Variants in NPVF observed in about 807,000 individuals in gnomAD.
The protein encoded by NPVF is neuropeptide VF precursor, also known as pro-FMRFamide-related neuropeptide VF.
NPVF carries 17 observed loss-of-function variants against 15.7 expected under a neutral mutation model. The observed-to-expected ratio is 1.08, with a 90% CI of 0.74 to 1.62. The LOEUF (loss-of-function observed/expected upper bound fraction) is 1.62, where lower values mean the gene tolerates loss of function less well. Ranked by LOEUF, NPVF falls within the 40% of genes most tolerant of loss-of-function variation. The pLI, the probability that NPVF is intolerant of heterozygous loss-of-function variation, is 0.00. For missense variants in NPVF, 270 were observed against 225.2 expected, an observed-to-expected ratio of 1.20 and a Z score of -1.27; for synonymous variants, 70 against 80.1, an observed-to-expected ratio of 0.87 and a Z score of 0.67.
rs970771554 is a variant in NPVF at position 25,226,890 on chromosome 7, A to C, written c.275T>G (p.Phe92Cys). Residue 92 changes from phenylalanine (F) to cysteine (C), a missense_variant, in exon 2 of 3, where the codon TTT becomes TGT. Coordinates refer to ENST00000222674, the MANE Select transcript of NPVF (RefSeq NM_022150.3). ...PHSFANLPLR[F>C]GRNVQEERSA... ...TCTTTCTTCTTGAACGTTCCTCCCA[A>C]ATCTCAATGGCAAGTTGGCGAAGGA... 2.5e-6 allele frequency: 4 copies of C among 1,613,958 alleles called. No individual in the cohort carries two copies. In the African/African-American group the frequency reaches 5.3e-5, roughly 22 times the overall value.
Position 25,224,861 on chromosome 7 carries a change from C to A in NPVF, c.*261G>T. 1 of 438,872 alleles carries A rather than the reference C, an allele frequency of 2.3e-6. No individual in the cohort carries two copies. Among genetic ancestry groups the A allele is most frequent in the Non-Finnish European group, 4.0e-6 (1 of 251,080 alleles). The allele number at this position is 438,872 out of a possible 1,614,324, so 27.2% of individuals were successfully genotyped here. A position where few individuals can be genotyped will look rare whatever the true frequency, so the allele number is the denominator to read the frequency against. ...GGGTAGTGAGGAGGGTCCTCTGTCT[C>A]TCTCTCCATTATCAGAGATTTCTAA... On this transcript the variant is annotated 3_prime_UTR_variant, in exon 3 of 3. Coordinates refer to ENST00000222674, the MANE Select transcript of NPVF (RefSeq NM_022150.3).
Position 25,228,287 on chromosome 7 carries a change from A to G in NPVF, c.138+15T>C. ...AATTAATGCTACTCACATTAGAGAG[A>G]TTTAAAAAACTTACCTCAGAATATT... On this transcript the variant is annotated intron_variant, in intron 1 of 2. Coordinates refer to ENST00000222674, the MANE Select transcript of NPVF (RefSeq NM_022150.3). The G allele has an allele frequency of 3.5e-6, 5 of 1,417,216 alleles. No individual in the cohort carries two copies. The highest frequency in any genetic ancestry group is 5.0e-6 in the Non-Finnish European group (5 of 1,006,900). 87.8% of individuals were successfully genotyped at this position (1,417,216 alleles called of 1,614,324 possible).
intron 2 of NPVF, among the ~76,000 whole-genome samples, chr7:25,226,087 G>A (rs534589678): frequency 4.6e-5 from 7 of 152,102 alleles, no homozygotes; most frequent in African/African-American, 2.4e-5. Flanking sequence ...CAGGTAGGTA[G>A]GTTATTAATT....
Position 25,228,345 on chromosome 7 carries a change from A to C in NPVF, c.95T>G (p.Met32Arg), listed in dbSNP as rs1284064491. ...ATTTTCTTTGCTGTGAAGATTGGAC[A>C]TCACTAATTCATCTGCACAAAAAAT... ...SNIFCADELV[M>R]SNLHSKENYD... The change falls in exon 1 of 3, where the codon ATG becomes AGG. Residue 32 changes from methionine to arginine, a missense_variant. Transcript: ENST00000222674. The C allele has an allele frequency of 1.3e-6, 2 of 1,537,754 alleles. No individual in the cohort carries two copies. Among genetic ancestry groups the C allele is most frequent in the Middle Eastern group, 1.7e-4 (1 of 5,848 alleles).
Position 25,228,432 on chromosome 7 carries a change from A to G in NPVF, c.8T>C (p.Ile3Thr), listed in dbSNP as rs778376426. Residue 3 changes from isoleucine (I) to threonine (T), a missense_variant, in exon 1 of 3, where the codon ATT (isoleucine) becomes ACT (threonine). Coordinates refer to ENST00000222674, the MANE Select transcript of NPVF (RefSeq NM_022150.3). ME[I>T]ISSKLFILLT... The stretch of plus-strand genomic sequence containing the variant: ...TAAAATGAATAGTTTTGATGAAATA[A>G]TTTCCATTTTGTCTAAATCTAAAAT... 1 of 1,585,804 alleles carries G rather than the reference A, an allele frequency of 6.3e-7. No homozygotes were observed.
chr7:25,226,755 G>A lies in NPVF; in HGVS notation c.410C>T (p.Ala137Val). Reference sequence around the variant, plus strand: ...ACTCAGCATCCTGCAGACACTTTTGGCTGTTGTTGTTCTCCCAAACCTTTG... The same window carrying A: ...ACTCAGCATCCTGCAGACACTTTTGACTGTTGTTGTTCTCCCAAACCTTTG... ...LPQRFGRTTT[A>V]KSVCRMLSDL... is the part of the protein sequence containing the mutation. The change falls in exon 2 of 3, where the codon GCC becomes GTC. Residue 137 changes from alanine to valine, a missense_variant. Ala to Val is a moderately conservative substitution (Grantham distance 64, BLOSUM62 0). Coordinates refer to ENST00000222674, the MANE Select transcript of NPVF (RefSeq NM_022150.3). 1 of 1,614,054 alleles carries A rather than the reference G, an allele frequency of 6.2e-7. No homozygotes were observed. Among genetic ancestry groups the A allele is most frequent in the East Asian group, 2.2e-5 (1 of 44,896 alleles).
chr7:25,225,273 T>C, intron 2 of NPVF, 100 bp from the exon 3 acceptor site: 1 of 901,958 alleles, frequency 1.1e-6, no homozygotes, highest in Non-Finnish European at 1.8e-6. Flanking sequence ...TAATTATACT[T>C]GAGTTGAATT....
chr7:25,225,224 C>G (rs1175183784), intron 2 of NPVF, 51 bp from the exon 3 acceptor site: 1 of 1,425,166 alleles, frequency 7.0e-7, no homozygotes, highest in African/African-American at 1.4e-5. Flanking sequence ...CAACAGCATG[C>G]AAGTGTGTAT....
In NPVF at chr7:25,224,949, G is replaced by A. The variant is rs569800310; in HGVS notation, c.*173C>T. On this transcript the variant is annotated 3_prime_UTR_variant, in exon 3 of 3. Transcript: ENST00000222674. The stretch of plus-strand genomic sequence containing the variant: ...CATTTTAACTTTACGTAACAAATAT[G>A]CTTTAATTTTTTTACAACTTTCAAG... 2.8e-5 allele frequency: 15 copies of A among 528,424 alleles called. No individual in the cohort carries two copies. The highest frequency in any genetic ancestry group is 2.6e-4 in the African/African-American group (13 of 50,532). The allele number at this position is 528,424 out of a possible 1,614,324, so 32.7% of individuals were successfully genotyped here.
Position 25,228,370 on chromosome 7 carries a change from T to C in NPVF, c.70A>G (p.Ile24Val), listed in dbSNP as rs2115498416. The C allele has an allele frequency of 6.4e-7, 1 of 1,561,264 alleles. No homozygotes were observed. The highest frequency in any genetic ancestry group is 1.4e-5 in the African/African-American group (1 of 73,970). Residue 24 changes from isoleucine to valine, a missense_variant, in exon 1 of 3, where the codon ATT becomes GTT. Physicochemically the swap from Ile to Val is conservative, Grantham distance 29. Coordinates refer to ENST00000222674, the MANE Select transcript of NPVF (RefSeq NM_022150.3). ...LATSSLLTSN[I>V]FCADELVMSN... is the part of the protein sequence containing the mutation. ...ATCACTAATTCATCTGCACAAAAAA[T>C]GTTTGATGTTAACAAGCTTGAAGTG... is the stretch of plus-strand genomic sequence containing the variant.
At position 25,225,053 on chromosome 7, in the gene NPVF, C is replaced by T. The variant is rs375749118; in HGVS notation, c.*69G>A. ...GATGAAGTGTATGTAGCTACTCTTC[C>T]GTGTGGTCTTCGCTATAGAGCCATT... is the stretch of plus-strand genomic sequence containing the variant. On this transcript the variant is annotated 3_prime_UTR_variant, in exon 3 of 3. Transcript: ENST00000222674. The T allele has an allele frequency of 1.2e-4, 166 of 1,341,598 alleles. No individual in the cohort carries two copies. Among genetic ancestry groups the T allele is most frequent in the Non-Finnish European group, 1.6e-4 (155 of 943,834 alleles). The allele number at this position is 1,341,598 out of a possible 1,614,324, so 83.1% of individuals were successfully genotyped here.
rs774870569 is a variant in NPVF at position 25,227,014 on chromosome 7, G to T, written c.151C>A (p.Pro51Thr). ...AAATTGAGGCTTCTTTCCCCTTTTG[G>T]GTATCCTCTAGGCTATAATTAGAAA... is the stretch of plus-strand genomic sequence containing the variant. ...YDKYSEPRGY[P>T]KGERSLNFEE... The change falls in exon 2 of 3, where the codon CCA (proline) becomes ACA (threonine). Residue 51 changes from proline to threonine, a missense_variant. Pro to Thr is a conservative substitution (Grantham distance 38, BLOSUM62 -1). Transcript: ENST00000222674. 6.2e-7 allele frequency: 1 copy of T among 1,612,112 alleles called. No individual in the cohort carries two copies. Among genetic ancestry groups the T allele is most frequent in the South Asian group, 1.1e-5 (1 of 90,802 alleles).
In NPVF at chr7:25,226,634, T is replaced by C. The variant is rs745784318; in HGVS notation, c.531A>G (p.Lys177=). 1.9e-6 allele frequency: 3 copies of C among 1,613,366 alleles called. No homozygotes were observed. Among genetic ancestry groups the C allele is most frequent in the Admixed American group, 1.7e-5 (1 of 60,018 alleles). Residue 177 remains lysine, a synonymous_variant, in exon 2 of 3, where the codon AAA becomes AAG. Transcript: ENST00000222674. Reference sequence around the variant, plus strand: ...GGTTTCCAGGTATTTACCTTGACTGTTTTTGATCGGGATTCTGGATTTCTT... The same window carrying C: ...GGTTTCCAGGTATTTACCTTGACTGCTTTTGATCGGGATTCTGGATTTCTT... The part of the protein sequence containing the change: ...QHQEIQNPDQ[K]QSRRLLFKKI...
Position 25,228,476 on chromosome 7 carries a change from C to A in NPVF, c.-37G>T, listed in dbSNP as rs1783159262. 6.7e-7 allele frequency: 1 copy of A among 1,493,622 alleles called. No individual in the cohort carries two copies. Among genetic ancestry groups the A allele is most frequent in the Non-Finnish European group, 9.1e-7 (1 of 1,098,616 alleles). The allele number at this position is 1,493,622 out of a possible 1,614,324, so 92.5% of individuals were successfully genotyped here. A position where few individuals can be genotyped will look rare whatever the true frequency, so the allele number is the denominator to read the frequency against. On this transcript the variant is annotated 5_prime_UTR_variant, in exon 1 of 3. Transcript: ENST00000222674. ...CTAAAATTAAGTCTCTATGTGCAGCCCAATGTTTATGAGAGGAGAAAAAAA... is the reference window on the plus strand; with the variant it reads ...CTAAAATTAAGTCTCTATGTGCAGCACAATGTTTATGAGAGGAGAAAAAAA...
chr7:25,226,371 A>G (rs963567873), intron 2 of NPVF, among the ~76,000 whole-genome samples: 10 of 152,206 alleles, frequency 6.6e-5, no homozygotes, highest in African/African-American at 2.4e-4. Flanking sequence ...CAGCTATAGG[A>G]TAAGGAGATT....
chr7:25,227,815 T>C (rs1783150844), intron 1 of NPVF, among the ~76,000 whole-genome samples: 1 of 152,216 alleles, frequency 6.6e-6, no homozygotes, highest in African/African-American at 2.4e-5. Flanking sequence ...TTCATCAGAT[T>C]TGGAAAACAC....
chr7:25,226,358 G>T (rs1783128578), intron 2 of NPVF, among the ~76,000 whole-genome samples: 1 of 152,170 alleles, frequency 6.6e-6, no homozygotes, highest in Non-Finnish European at 1.5e-5. Context: ...TGGACTTAGT[G>T]AGCAGCTATA....
chr7:25,227,494 G>A (rs1010113917), intron 1 of NPVF, among the ~76,000 whole-genome samples: 1 of 152,280 alleles, frequency 6.6e-6, no homozygotes, highest in East Asian at 1.9e-4. Flanking sequence ...AGAGATGCTG[G>A]CCAGGTTTTG....
chr7:25,226,582 C>T, intron 2 of NPVF, 44 bp downstream of exon 2: 2 of 1,591,462 alleles, frequency 1.3e-6, no homozygotes, highest in African/African-American at 2.7e-5. Flanking sequence ...TAGACCACCT[C>T]TATATAACTG....
Sources: gnomAD v4.1 joint callset for allele counts (sites outside exome capture counted in the v4.1 genomes callset) on GRCh38, gnomAD v4.1.1 for gene constraint, MANE v1.5 for transcripts, NCBI Gene and HGNC (gene_info 2026-07-23, HGNC 2026-07-21) for gene names.